Variants in SNX29 observed in about 807,000 individuals in gnomAD.
SNX29 encodes sorting nexin-29.
Under a neutral mutation model 102.1 loss-of-function variants are expected in SNX29, and 78 were observed. The observed-to-expected ratio is 0.76, with a 90% confidence interval of 0.64 to 0.92. The LOEUF (loss-of-function observed/expected upper bound fraction) is 0.92, where lower values mean the gene tolerates loss of function less well. SNX29 is among the 40% of genes least tolerant of loss of function. SNX29 has a pLI of 0.00. For synonymous variants in SNX29, 580 were observed against 414.5 expected, an observed-to-expected ratio of 1.40 and a Z score of -4.85; for missense variants, 1,280 against 1,061.7, an observed-to-expected ratio of 1.21 and a Z score of -2.86.
At chr16:12,439,707 G>A (rs976965386) in intron 18 of SNX29, among the ~76,000 whole-genome samples, 2 of 150,602 alleles carry the variant, frequency 1.3e-5, no homozygotes, top group African/African-American at 4.9e-5. Context: ...AGATGAGATT[G>A]GGGTGGGGAC....
chr16:12,160,130 G>T (rs569067000), intron 13 of SNX29, among the ~76,000 whole-genome samples: 104 of 152,230 alleles, frequency 6.8e-4, no homozygotes, highest in Non-Finnish European at 1.1e-3. Flanking sequence ...GATGTTGCCA[G>T]GTGTGGAAAT....
intron 20 of SNX29, among the ~76,000 whole-genome samples, chr16:12,550,816 T>C (rs1208371739): frequency 6.6e-6 from 1 of 152,194 alleles, no homozygotes; most frequent in Non-Finnish European, 1.5e-5. Flanking sequence ...GAATATGTGT[T>C]AATTTACCTT....
intron 16 of SNX29, among the ~76,000 whole-genome samples, chr16:12,385,424 C>T (rs779486679): frequency 3.3e-5 from 5 of 152,020 alleles, no homozygotes; most frequent in South Asian, 2.1e-4. Flanking sequence ...TTTCATGGGG[C>T]GGTGGAATTC....
chr16:12,490,086 G>A (rs138641082), intron 19 of SNX29, among the ~76,000 whole-genome samples: 150 of 152,266 alleles, frequency 9.9e-4, no homozygotes, highest in African/African-American at 3.4e-3. Context: ...GATTACAGGC[G>A]TGAGCCACAA....
At chr16:12,287,491 C>T (rs922466000) in intron 15 of SNX29, among the ~76,000 whole-genome samples, 4 of 152,180 alleles carry the variant, frequency 2.6e-5, no homozygotes, top group Non-Finnish European at 4.4e-5. Context: ...TTGTTTCATC[C>T]ACTTACCCTC....
intron 18 of SNX29, among the ~76,000 whole-genome samples, chr16:12,468,017 C>T (rs551448606): frequency 6.6e-6 from 1 of 152,056 alleles, no homozygotes; most frequent in Non-Finnish European, 1.5e-5. Flanking sequence ...CTGGTCACCT[C>T]CAGTATCGTC....
intron 14 of SNX29, among the ~76,000 whole-genome samples, chr16:12,222,698 A>G (rs569628080): frequency 5.3e-4 from 80 of 152,224 alleles, no homozygotes; most frequent in African/African-American, 1.7e-3. Flanking sequence ...CCTCTTGGGT[A>G]GCTAGGACTA....
intron 1 of SNX29, among the ~76,000 whole-genome samples, chr16:11,988,896 A>G (rs1167411531): frequency 6.6e-6 from 1 of 152,246 alleles, no homozygotes. Flanking sequence ...TAACTGTGAC[A>G]GAGAGTGTAT....
chr16:12,221,762 C>T (rs1318904618), intron 14 of SNX29, among the ~76,000 whole-genome samples: 1 of 152,142 alleles, frequency 6.6e-6, no homozygotes, highest in Non-Finnish European at 1.5e-5. Flanking sequence ...ATTGTGGCGC[C>T]CAGGGCCCTG....
At chr16:12,352,976 G>A (rs941639041) in intron 15 of SNX29, among the ~76,000 whole-genome samples, 8 of 152,116 alleles carry the variant, frequency 5.3e-5, no homozygotes, top group Non-Finnish European at 8.8e-5. Flanking sequence ...ATATAGGCGT[G>A]GGATATAGGC....
chr16:12,268,606 T>G (rs1446583755), intron 14 of SNX29, among the ~76,000 whole-genome samples: 1 of 152,230 alleles, frequency 6.6e-6, no homozygotes, highest in Non-Finnish European at 1.5e-5. Flanking sequence ...AACTGTAAAG[T>G]GTCCCAAATT....
At chr16:12,116,889 C>T (rs564947804) in intron 11 of SNX29, among the ~76,000 whole-genome samples, 10 of 152,036 alleles carry the variant, frequency 6.6e-5, no homozygotes, top group East Asian at 1.9e-4. Context: ...TGCTTCAACG[C>T]GGACGAACCG....
intron 11 of SNX29, among the ~76,000 whole-genome samples, chr16:12,104,806 G>C (rs959696176): frequency 5.3e-5 from 8 of 152,206 alleles, no homozygotes; most frequent in Non-Finnish European, 1.0e-4. Flanking sequence ...GGCAACCCTT[G>C]TCTTTATTGT....
At chr16:12,128,055 CTCTT>C (rs1198615324) in intron 12 of SNX29, among the ~76,000 whole-genome samples, 1 of 152,136 alleles carries the variant, frequency 6.6e-6, no homozygotes, top group Non-Finnish European at 1.5e-5. Context: ...ACAAGCTTCT[CTCTT>C]GTCCTTTCTG....
chr16:12,139,175 G>A (rs1278169678), intron 13 of SNX29, among the ~76,000 whole-genome samples: 1 of 136,202 alleles, frequency 7.3e-6, no homozygotes, highest in Non-Finnish European at 1.5e-5. Flanking sequence ...CCAGAGCCTG[G>A]GCGATAGAGC....
chr16:12,364,069 T>G (rs1264101350), intron 16 of SNX29, among the ~76,000 whole-genome samples: 1 of 152,146 alleles, frequency 6.6e-6, no homozygotes, highest in African/African-American at 2.4e-5. Context: ...CATAGCTCGG[T>G]GTAACCTCAA....
At chr16:12,366,721 C>A (rs1334961857) in intron 16 of SNX29, among the ~76,000 whole-genome samples, 3 of 152,132 alleles carry the variant, frequency 2.0e-5, no homozygotes, top group African/African-American at 4.8e-5. Context: ...CTCCTGTTTT[C>A]GTGTCTTTGT....
intron 20 of SNX29, among the ~76,000 whole-genome samples, chr16:12,535,840 A>G (rs762498165): frequency 6.6e-6 from 1 of 152,152 alleles, no homozygotes; most frequent in Non-Finnish European, 1.5e-5. Context: ...CTCAGTGCTT[A>G]GATCGGCCAT....
At chr16:12,514,041 G>A (rs7205000) in intron 19 of SNX29, among the ~76,000 whole-genome samples, 4,145 of 152,330 alleles carry the variant, frequency 0.027, 132 homozygotes, top group African/African-American at 0.076. Context: ...TGGATTTGCC[G>A]TGGATTGCGG....
Sources: gnomAD v4.1 joint callset for allele counts (sites outside exome capture counted in the v4.1 genomes callset) on GRCh38, gnomAD v4.1.1 for gene constraint, MANE v1.5 for transcripts, NCBI Gene and HGNC (gene_info 2026-07-23, HGNC 2026-07-21) for gene names.